The following CSMD1 variants were observed in gnomAD, a reference collection of about 807,000 sequenced individuals.
CSMD1 encodes CUB and sushi domain-containing protein 1.
A neutral mutation model predicts 417.5 loss-of-function variants in CSMD1; 213 were observed. That is an observed-to-expected ratio of 0.51 (90% confidence interval 0.46 to 0.57). The LOEUF is 0.57. Ranked by LOEUF, CSMD1 falls within the 20% of genes least tolerant of loss-of-function variation. The probability of loss-of-function intolerance (pLI) is 0.00; values close to 1 mark genes in which losing one functional copy is unlikely to be tolerated. For synonymous variants in CSMD1, 2,862 were observed against 1,736.8 expected (o/e 1.65, Z -16.11); for missense variants, 6,923 against 4,529.7 (o/e 1.53, Z -15.17).
rs183301964 is a variant in CSMD1, at chr8:3,067,624, A to G, written c.7475-14977T>C. On this transcript the variant is annotated intron_variant, in intron 49 of 69. Transcript: ENST00000635120. ...AATATATAGTATATAATATATAAAT[A>G]TATAATAACATTGATCAACATTCTT... Among the ~76,000 whole-genome samples, 1,123 of 149,720 alleles carry G rather than the reference A, an allele frequency of 7.5e-3. 16 individuals carry two copies. The highest frequency in any genetic ancestry group is 0.026 in the African/African-American group (1,047 of 41,042).
At chr8:4,594,718 T>C (rs562734176) in intron 2 of CSMD1, among the ~76,000 whole-genome samples, 3 of 152,298 alleles carry the variant, frequency 2.0e-5, no homozygotes, top group South Asian at 2.1e-4. Flanking sequence ...CATTTAACAT[T>C]TGAAATTGTT....
intron 23 of CSMD1, among the ~76,000 whole-genome samples, chr8:3,333,021 A>G (rs1454102231): frequency 1.3e-5 from 2 of 152,178 alleles, no homozygotes; most frequent in African/African-American, 4.8e-5. Context: ...AGGGCTCCCC[A>G]TGGCTTTGGA....
intron 49 of CSMD1, among the ~76,000 whole-genome samples, chr8:3,061,615 C>T (rs1410213477): frequency 1.3e-5 from 2 of 152,070 alleles, no homozygotes; most frequent in Admixed American, 6.6e-5. Flanking sequence ...GAACCAGCAC[C>T]GATCCATATA....
intron 23 of CSMD1, among the ~76,000 whole-genome samples, chr8:3,311,319 G>C (rs372512041): frequency 2.0e-5 from 3 of 151,914 alleles, no homozygotes; most frequent in African/African-American, 4.8e-5. Context: ...GCATGATCTC[G>C]GCTCACTGCA....
chr8:3,379,215 G>C (rs1022217500), intron 18 of CSMD1, among the ~76,000 whole-genome samples: 1 of 152,110 alleles, frequency 6.6e-6, no homozygotes, highest in Admixed American at 6.6e-5. Flanking sequence ...TCTTCAAGGA[G>C]AACTACAAAC....
chr8:4,706,125 TA>T (rs1807924853), intron 1 of CSMD1, among the ~76,000 whole-genome samples: 1 of 150,542 alleles, frequency 6.6e-6, no homozygotes, highest in Admixed American at 6.6e-5. Context: ...ATGTCCTATA[TA>T]TTACATATTT....
intron 3 of CSMD1, among the ~76,000 whole-genome samples, chr8:4,038,021 TA>T (rs1451905768): frequency 6.6e-6 from 1 of 152,130 alleles, no homozygotes; most frequent in Non-Finnish European, 1.5e-5. Flanking sequence ...CCACACTTGG[TA>T]AAAAGTGTAA....
At chr8:4,872,653 C>G (rs1802802239) in intron 1 of CSMD1, among the ~76,000 whole-genome samples, 1 of 152,044 alleles carries the variant, frequency 6.6e-6, no homozygotes, top group Non-Finnish European at 1.5e-5. Flanking sequence ...AATACACTGC[C>G]TCAGAAATTG....
At chr8:3,678,802 C>T (rs1348752892) in intron 7 of CSMD1, among the ~76,000 whole-genome samples, 2 of 152,108 alleles carry the variant, frequency 1.3e-5, no homozygotes. Context: ...GTCGGGTTAC[C>T]CACAAAGGGA....
chr8:3,169,292 G>T (rs977267215), intron 37 of CSMD1, among the ~76,000 whole-genome samples: 1 of 152,058 alleles, frequency 6.6e-6, no homozygotes, highest in Middle Eastern at 3.2e-3. Flanking sequence ...TTGATTTTTT[G>T]ATAGGAGACC....
At chr8:3,537,373 T>A (rs1368248178) in intron 10 of CSMD1, among the ~76,000 whole-genome samples, 1 of 152,230 alleles carries the variant, frequency 6.6e-6, no homozygotes, top group African/African-American at 2.4e-5. Flanking sequence ...TAGTGTACTT[T>A]TTTTATACAT....
chr8:3,972,920 C>G (rs11997751), intron 5 of CSMD1, among the ~76,000 whole-genome samples: 11 of 151,840 alleles, frequency 7.2e-5, no homozygotes, highest in African/African-American at 2.4e-4. Context: ...CCTAAATGGG[C>G]AAAGTAGGAA....
At chr8:3,686,690 C>T (rs945674997) in intron 7 of CSMD1, among the ~76,000 whole-genome samples, 6 of 152,174 alleles carry the variant, frequency 3.9e-5, no homozygotes, top group South Asian at 2.1e-4. Flanking sequence ...CTTCTCTAGC[C>T]GATCCCTTAC....
chr8:3,240,754 T>A (rs957932552), intron 26 of CSMD1, among the ~76,000 whole-genome samples: 1 of 151,996 alleles, frequency 6.6e-6, no homozygotes, highest in Non-Finnish European at 1.5e-5. Context: ...TAGGAGAGTA[T>A]ATGGGTTTGG....
chr8:4,659,505 G>T (rs906192270), intron 1 of CSMD1, among the ~76,000 whole-genome samples: 2 of 152,150 alleles, frequency 1.3e-5, no homozygotes, highest in Non-Finnish European at 2.9e-5. Flanking sequence ...GATGAACCTT[G>T]AAAACATGCT....
chr8:3,051,849 G>T (rs559469123), intron 50 of CSMD1, among the ~76,000 whole-genome samples: 2 of 152,234 alleles, frequency 1.3e-5, no homozygotes, highest in Non-Finnish European at 2.9e-5. Context: ...GGTGGGTTTT[G>T]CATAACAGAC....
intron 25 of CSMD1, among the ~76,000 whole-genome samples, chr8:3,306,059 T>C (rs962991772): frequency 1.3e-5 from 2 of 152,180 alleles, no homozygotes; most frequent in Non-Finnish European, 2.9e-5. Context: ...TTAATTGTTG[T>C]TCTTGCTCCT....
chr8:4,070,492 G>C (rs1193873710), intron 3 of CSMD1, among the ~76,000 whole-genome samples: 1 of 151,974 alleles, frequency 6.6e-6, no homozygotes, highest in Non-Finnish European at 1.5e-5. Context: ...CGAGTAGCTG[G>C]GACTACAGGC....
At chr8:4,090,411 C>T (rs1296635573) in intron 3 of CSMD1, among the ~76,000 whole-genome samples, 2 of 151,998 alleles carry the variant, frequency 1.3e-5, no homozygotes, top group East Asian at 3.9e-4. Flanking sequence ...TAATTAACAC[C>T]CTAGTCTTGA....
Sources: gnomAD v4.1 joint callset for allele counts (sites outside exome capture counted in the v4.1 genomes callset) on GRCh38, gnomAD v4.1.1 for gene constraint, MANE v1.5 for transcripts, NCBI Gene and HGNC (gene_info 2026-07-23, HGNC 2026-07-21) for gene names.